AGAP1: variants seen among roughly 807,000 people sequenced by gnomAD.
The protein encoded by AGAP1 is arf-GAP with GTPase, ANK repeat and PH domain-containing protein 1.
In AGAP1, 29 loss-of-function variants were observed where a neutral mutation model predicts 105.3. The observed-to-expected ratio is 0.28, with a 90% CI of 0.21 to 0.38. The LOEUF (loss-of-function observed/expected upper bound fraction) is 0.38, where lower values mean the gene tolerates loss of function less well. Among genes scored for constraint, AGAP1 ranks in the 10% least tolerant of loss-of-function variants. The probability of loss-of-function intolerance (pLI) is 1.00; values close to 1 mark genes in which losing one functional copy is unlikely to be tolerated. For synonymous variants in AGAP1, 509 were observed against 485.9 expected (o/e 1.05, Z -0.63); for missense variants, 998 against 1,165.1 (o/e 0.86, Z 2.09).
At chr2:235,949,127 GT>G (rs1268091462) in intron 12 of AGAP1, among the ~76,000 whole-genome samples, 1 of 152,198 alleles carries the variant, frequency 6.6e-6, no homozygotes, top group Admixed American at 6.5e-5. Flanking sequence ...GAGCAGATTG[GT>G]TTTTGTAAAG....
Position 235,557,970 on chromosome 2 carries a change from T to G in AGAP1, c.163+63121T>G, listed in dbSNP as rs975912171. Among the ~76,000 whole-genome samples, 3 of 152,160 alleles carry G rather than the reference T, an allele frequency of 2.0e-5. No homozygotes were observed. Among genetic ancestry groups the G allele is most frequent in the African/African-American group, 7.2e-5 (3 of 41,440 alleles). The stretch of plus-strand genomic sequence containing the variant: ...AGCTCCCCTCCAGAGGCTGCCTGTT[T>G]GTAAAATAATAGGTTTAGATGAACA... On this transcript the variant is annotated intron_variant, in intron 1 of 17. Coordinates refer to ENST00000304032, the MANE Select transcript of AGAP1 (RefSeq NM_001037131.3). The surrounding 1 kb of genome is among the most constrained non-coding windows in gnomAD (Gnocchi z 4.7).
At chr2:235,512,559 C>T (rs1380462350) in intron 1 of AGAP1, among the ~76,000 whole-genome samples, 4 of 152,148 alleles carry the variant, frequency 2.6e-5, no homozygotes, top group Admixed American at 6.5e-5. Context: ...GCACCACTAC[C>T]CTCCAACCTG....
At position 235,566,477 on chromosome 2, in the gene AGAP1, T is replaced by G; in HGVS notation, c.163+71628T>G. ...CAATATTGATTTACTGTTTTGTTTT[T>G]TTATTTCCAGATAAGCATTCATAAA... On this transcript the variant is annotated intron_variant, in intron 1 of 17. Transcript: ENST00000304032. The surrounding 1 kb of genome is among the most constrained non-coding windows in gnomAD (Gnocchi z 5.2). The G allele has an allele frequency of 1.4e-6, 1 of 696,466 alleles. No homozygotes were observed. The highest frequency in any genetic ancestry group is 1.8e-6 in the Non-Finnish European group (1 of 566,526). The allele number at this position is 696,466 out of a possible 1,614,324, so 43.1% of individuals were successfully genotyped here. A position where few individuals can be genotyped will look rare whatever the true frequency, so the allele number is the denominator to read the frequency against.
chr2:235,578,886 G>A lies in AGAP1; in HGVS notation c.163+84037G>A, dbSNP rs1344515076. On this transcript the variant is annotated intron_variant, in intron 1 of 17. Coordinates refer to ENST00000304032, the MANE Select transcript of AGAP1 (RefSeq NM_001037131.3). This position sits in a 1 kb window ranked among gnomAD's most constrained non-coding sequence, Gnocchi z 4.9. ...TGTTGAGGGTCAAAATTTTACCTTT[G>A]TCTACCTATCTGCCTGTCCCTCTAG... Among the ~76,000 whole-genome samples, 1 of 150,916 alleles carries A rather than the reference G, an allele frequency of 6.6e-6. No individual in the cohort carries two copies. The highest frequency in any genetic ancestry group is 1.5e-5 in the Non-Finnish European group (1 of 67,826).
chr2:235,987,755 T>C (rs1464193705), intron 13 of AGAP1, among the ~76,000 whole-genome samples: 1 of 152,148 alleles, frequency 6.6e-6, no homozygotes, highest in Non-Finnish European at 1.5e-5. Flanking sequence ...TGTCTTAATT[T>C]CAGTATTTAC....
rs546086441 is a variant in AGAP1, at chr2:235,623,139, G to A, written c.164-86040G>A. On this transcript the variant is annotated intron_variant, in intron 1 of 17. Transcript: ENST00000304032. The surrounding 1 kb of genome is among the most constrained non-coding windows in gnomAD (Gnocchi z 4.5). Reference sequence around the variant, plus strand: ...ATGTTCTCCAGGCTGCTACAGCTATGATATTTTAAAATCAATGGGCCTTTC... The same window carrying A: ...ATGTTCTCCAGGCTGCTACAGCTATAATATTTTAAAATCAATGGGCCTTTC... 2.0e-5 allele frequency among the ~76,000 whole-genome samples: 3 copies of A among 152,354 alleles called. No homozygotes were observed. Among genetic ancestry groups the A allele is most frequent in the East Asian group, 1.9e-4 (1 of 5,184 alleles).
intron 1 of AGAP1, among the ~76,000 whole-genome samples, chr2:235,697,041 C>T (rs537596577): frequency 4.6e-5 from 7 of 152,288 alleles, no homozygotes; most frequent in African/African-American, 1.2e-4. Context: ...CCATTAAGTC[C>T]GGTTATTTTA....
chr2:235,794,934 TAGACAAAAA>T (rs2150029020), intron 6 of AGAP1, among the ~76,000 whole-genome samples: 1 of 152,308 alleles, frequency 6.6e-6, no homozygotes, highest in East Asian at 1.9e-4. Context: ...TAATCAAATA[TAGACAAAAA>T]CTCAATGGTT....
intron 6 of AGAP1, chr2:235,783,532 G>C: frequency 2.8e-6 from 1 of 353,720 alleles, no homozygotes; most frequent in Non-Finnish European, 5.7e-6. Flanking sequence ...TGTCATCACA[G>C]GATTCTAGTA....
At chr2:236,031,649 G>T (rs1190717688) in intron 13 of AGAP1, among the ~76,000 whole-genome samples, 1 of 152,138 alleles carries the variant, frequency 6.6e-6, no homozygotes, top group Non-Finnish European at 1.5e-5. Context: ...AACCCCCAGG[G>T]AGCAGAACCC....
At chr2:236,077,035 G>C (rs1216921252) in intron 16 of AGAP1, among the ~76,000 whole-genome samples, 2 of 150,528 alleles carry the variant, frequency 1.3e-5, no homozygotes, top group African/African-American at 4.9e-5. Flanking sequence ...GCTTGAGTCT[G>C]GGAGGAGGAG....
Position 235,538,024 on chromosome 2 carries a change from C to T in AGAP1, c.163+43175C>T, listed in dbSNP as rs140397213. On this transcript the variant is annotated intron_variant, in intron 1 of 17. Coordinates refer to ENST00000304032, the MANE Select transcript of AGAP1 (RefSeq NM_001037131.3). ...CATATTTTCTGAGGCTGCTAATATG[C>T]GTGGTAGAGCCATTACTGTTGCATG... Among the ~76,000 whole-genome samples the T allele has an allele frequency of 1.4e-3, 219 of 152,258 alleles. 1 individual carries two copies. The highest frequency in any genetic ancestry group is 4.9e-3 in the African/African-American group (204 of 41,532).
intron 10 of AGAP1, among the ~76,000 whole-genome samples, chr2:235,898,252 C>G (rs1373152371): frequency 6.6e-6 from 1 of 152,188 alleles, no homozygotes; most frequent in African/African-American, 2.4e-5. Context: ...CATGTTCTGC[C>G]TTTGAACTCA....
intron 9 of AGAP1, among the ~76,000 whole-genome samples, chr2:235,876,639 C>T (rs1463806561): frequency 2.0e-5 from 3 of 152,188 alleles, no homozygotes; most frequent in Non-Finnish European, 2.9e-5. Flanking sequence ...CAGTGAATGA[C>T]CCCACTGGGC....
chr2:236,015,944 A>G (rs2056686756), intron 13 of AGAP1, among the ~76,000 whole-genome samples: 1 of 152,186 alleles, frequency 6.6e-6, no homozygotes, highest in South Asian at 2.1e-4. Context: ...CATCCTGGTC[A>G]TTAACCTTTG....
Position 235,741,704 on chromosome 2 carries a change from A to G in AGAP1, c.396+656A>G, listed in dbSNP as rs563423373. ...AGTTAAGCACTTTATTATTATTGTT[A>G]TTATTATTATTGTTGTTGTTGTTAT... On this transcript the variant is annotated intron_variant, in intron 4 of 17. Transcript: ENST00000304032. This position sits in a 1 kb window ranked among gnomAD's most constrained non-coding sequence, Gnocchi z 4.9. Among the ~76,000 whole-genome samples the G allele has an allele frequency of 8.3e-5, 12 of 145,310 alleles. No individual in the cohort carries two copies. The highest frequency in any genetic ancestry group is 2.2e-4 in the South Asian group (1 of 4,602).
intron 1 of AGAP1, among the ~76,000 whole-genome samples, chr2:235,703,746 G>C (rs1950380176): frequency 6.6e-6 from 1 of 152,124 alleles, no homozygotes; most frequent in South Asian, 2.1e-4. Flanking sequence ...ACAGGCACCT[G>C]CCACCATGCC....
chr2:235,709,347 G>A, intron 2 of AGAP1, 110 bp downstream of exon 2: 11 of 1,234,152 alleles, frequency 8.9e-6, no homozygotes, highest in Non-Finnish European at 1.3e-5. Context: ...GAGTGGAAGT[G>A]TGACTCTGGG....
chr2:235,572,368 G>A (rs1944556987), intron 1 of AGAP1, among the ~76,000 whole-genome samples: 1 of 151,886 alleles, frequency 6.6e-6, no homozygotes, highest in Admixed American at 6.6e-5. Flanking sequence ...CCCATCAGTG[G>A]CACCTCACTG....
Sources: gnomAD v4.1 joint callset for allele counts (sites outside exome capture counted in the v4.1 genomes callset) on GRCh38, gnomAD v4.1.1 for gene constraint, Gnocchi (gnomAD v3.1) non-coding constraint, MANE v1.5 for transcripts, NCBI Gene and HGNC (gene_info 2026-07-23, HGNC 2026-07-21) for gene names.